Variants in SLC26A4 observed in about 807,000 individuals in gnomAD.
The protein encoded by SLC26A4 is pendrin.
In SLC26A4, 93 loss-of-function variants were observed where a neutral mutation model predicts 90.4. That is an observed-to-expected ratio of 1.03 (90% CI 0.87 to 1.22). The LOEUF (loss-of-function observed/expected upper bound fraction) is 1.22. SLC26A4 is among the 50% of genes most tolerant of loss of function. SLC26A4 has a pLI of 0.00. For synonymous variants in SLC26A4, 393 were observed against 354.6 expected, an observed-to-expected ratio of 1.11 and a Z score of -1.22; for missense variants, 1,127 against 946.2, an observed-to-expected ratio of 1.19 and a Z score of -2.51.
chr7:107,671,307 C>T (rs1237746281), intron 3 of SLC26A4, among the ~76,000 whole-genome samples: 2 of 152,150 alleles, frequency 1.3e-5, no homozygotes, highest in Non-Finnish European at 2.9e-5. Context: ...GGACTACAGG[C>T]GTGAACCAAT....
Position 107,661,824 on chromosome 7 carries a change from T to A in SLC26A4, c.164+19T>A. ...GCTGCAGGTAGCGGCCGCGCGGGCC[T>A]GCGTAGAGAGAAGCGGAGCGGGGCG... On this transcript the variant is annotated intron_variant, in intron 2 of 20. Coordinates refer to ENST00000644269, the MANE Select transcript of SLC26A4 (RefSeq NM_000441.2). The surrounding 1 kb of genome is among the most constrained non-coding windows in gnomAD (Gnocchi z 5.1). The A allele has an allele frequency of 6.5e-7, 1 of 1,530,278 alleles. No individual in the cohort carries two copies. The allele number at this position is 1,530,278 out of a possible 1,614,324, so 94.8% of individuals were successfully genotyped here. A position where few individuals can be genotyped will look rare whatever the true frequency, so the allele number is the denominator to read the frequency against.
rs759264261 is a variant in SLC26A4 at position 107,683,536 on chromosome 7, G to T, written c.1000G>T (p.Gly334Trp). The stretch of plus-strand genomic sequence containing the variant: ...TGGCATTGTTAAATCCATCCCAAGG[G>T]GGTGAGTGTGGTGTTCCTCTTAGTA... ...NAGIVKSIPR[G>W]FLPPELPPVS... The change falls in exon 8 of 21, where the codon GGG (glycine) becomes TGG (tryptophan). Residue 334 changes from glycine (G) to tryptophan (W), a missense_variant and splice_region_variant. Transcript: ENST00000644269. 3 of 1,613,052 alleles carry T rather than the reference G, an allele frequency of 1.9e-6. No homozygotes were observed. The highest frequency in any genetic ancestry group is 2.5e-6 in the Non-Finnish European group (3 of 1,179,202).
chr7:107,708,544 C>T (rs775487360), intron 18 of SLC26A4, among the ~76,000 whole-genome samples: 1 of 152,078 alleles, frequency 6.6e-6, no homozygotes, highest in Non-Finnish European at 1.5e-5. Flanking sequence ...GATTGCCAAG[C>T]TAGAGTTAAG....
In SLC26A4 at chr7:107,700,573, T is replaced by C. The variant is rs190583482; in HGVS notation, c.1707+398T>C. Among the ~76,000 whole-genome samples the C allele has an allele frequency of 6.4e-4, 98 of 152,324 alleles. No individual in the cohort carries two copies. The Middle Eastern group carries it at 0.017, about 26-fold the overall frequency. On this transcript the variant is annotated intron_variant, in intron 15 of 20. Transcript: ENST00000644269. The stretch of plus-strand genomic sequence containing the variant: ...TCAAGTGTTTGAGAACTATGTGAGC[T>C]GAGAGACAGTGGAAACATGTATTGG...
chr7:107,677,543 G>C (rs1791059184), intron 6 of SLC26A4, among the ~76,000 whole-genome samples: 1 of 151,876 alleles, frequency 6.6e-6, no homozygotes, highest in Non-Finnish European at 1.5e-5. Flanking sequence ...TTTTGATTCA[G>C]CATTATATGG....
intron 20 of SLC26A4, among the ~76,000 whole-genome samples, chr7:107,714,624 A>G (rs932371214): frequency 1.3e-5 from 2 of 152,164 alleles, no homozygotes; most frequent in African/African-American, 4.8e-5. Flanking sequence ...ATTGGTTGCC[A>G]CGTAAAATAA....
intron 6 of SLC26A4, among the ~76,000 whole-genome samples, chr7:107,675,576 T>TTC (rs1331209247): frequency 2.0e-5 from 2 of 100,740 alleles, no homozygotes; most frequent in African/African-American, 7.1e-5. Context: ...CTTTCTTTCT[T>TTC]TTTTTTTTTT....
In SLC26A4 at chr7:107,661,666, G is replaced by A. The variant is rs758648839; in HGVS notation, c.25G>A (p.Glu9Lys). 7.6e-6 allele frequency: 12 copies of A among 1,568,944 alleles called. No individual in the cohort carries two copies. The South Asian group carries it at 1.4e-4, about 18-fold the overall frequency. The change falls in exon 2 of 21, where the codon GAG becomes AAG. Residue 9 changes from glutamate (E) to lysine (K), a missense_variant. Coordinates refer to ENST00000644269, the MANE Select transcript of SLC26A4 (RefSeq NM_000441.2). The surrounding 1 kb of genome is among the most constrained non-coding windows in gnomAD (Gnocchi z 5.1). Reference protein sequence around the residue: MAAPGGRSEPPQLPEYSCS... With the variant: MAAPGGRSKPPQLPEYSCS... The stretch of plus-strand genomic sequence containing the variant: ...CATGGCAGCGCCAGGCGGCAGGTCG[G>A]AGCCGCCGCAGCTCCCCGAGTACAG...
intron 5 of SLC26A4, among the ~76,000 whole-genome samples, chr7:107,674,654 C>T (rs540451641): frequency 5.4e-4 from 82 of 152,176 alleles, no homozygotes; most frequent in South Asian, 6.2e-4. Context: ...TTCTGGTGAG[C>T]GGAGACACAG....
At chr7:107,687,927 C>A (rs1414737073) in intron 8 of SLC26A4, among the ~76,000 whole-genome samples, 1 of 152,074 alleles carries the variant, frequency 6.6e-6, no homozygotes, top group African/African-American at 2.4e-5. Flanking sequence ...GGGGTTCATT[C>A]CACAGTCTCA....
intron 6 of SLC26A4, among the ~76,000 whole-genome samples, chr7:107,679,985 T>C (rs181146187): frequency 2.3e-5 from 3 of 132,744 alleles, no homozygotes; most frequent in Admixed American, 7.6e-5. Context: ...ATAATCTTAT[T>C]ATATAATATA....
At chr7:107,676,339 A>G (rs910176788) in intron 6 of SLC26A4, among the ~76,000 whole-genome samples, 3 of 152,188 alleles carry the variant, frequency 2.0e-5, no homozygotes, top group African/African-American at 7.2e-5. Context: ...TTATTGGTGA[A>G]ATGAAATGAT....
At chr7:107,714,789 T>C (rs1424736065) in intron 20 of SLC26A4, among the ~76,000 whole-genome samples, 1 of 152,126 alleles carries the variant, frequency 6.6e-6, no homozygotes, top group Non-Finnish European at 1.5e-5. Context: ...GTCTTCATAT[T>C]AGTATCTTCA....
At chr7:107,697,957 G>C (rs770844637) in intron 13 of SLC26A4, 85 bp from the exon 14 acceptor site, 32 of 829,320 alleles carry the variant, frequency 3.9e-5, no homozygotes, top group Admixed American at 7.0e-5. Flanking sequence ...AGAATGATGG[G>C]CTCTTTAGTA....
At chr7:107,689,753 C>A (rs1434696103) in intron 9 of SLC26A4, among the ~76,000 whole-genome samples, 1 of 152,152 alleles carries the variant, frequency 6.6e-6, no homozygotes, top group Non-Finnish European at 1.5e-5. Flanking sequence ...GGTTAGTAAT[C>A]AAGCAGAATA....
At chr7:107,666,614 G>A (rs944085459) in intron 3 of SLC26A4, among the ~76,000 whole-genome samples, 3 of 152,160 alleles carry the variant, frequency 2.0e-5, no homozygotes, top group African/African-American at 7.2e-5. Flanking sequence ...GAAGGAGACA[G>A]CCATGTGATA....
At position 107,716,164 on chromosome 7, in the gene SLC26A4, T is replaced by C. The variant is rs1792340492; in HGVS notation, c.*718T>C. 1 of 152,230 alleles carries C rather than the reference T, an allele frequency of 6.6e-6. No homozygotes were observed. Among genetic ancestry groups the C allele is most frequent in the Non-Finnish European group, 1.5e-5 (1 of 68,088 alleles). 9.4% of individuals were successfully genotyped at this position (152,230 alleles called of 1,614,324 possible). On this transcript the variant is annotated 3_prime_UTR_variant, in exon 21 of 21. Coordinates refer to ENST00000644269, the MANE Select transcript of SLC26A4 (RefSeq NM_000441.2). ...TTTTTTGATATGATAATAATCATGA[T>C]CACAACTGAGATCAAAAAAATATAT...
chr7:107,663,401 G>A lies in SLC26A4; in HGVS notation c.270G>A (p.Ser90=), dbSNP rs908029050. The part of the protein sequence containing the change: ...VKEWLLSDVI[S]GVSTGLVATL... ...AATGGCTGCTTAGTGACGTCATTTC[G>A]GGAGTTAGTACTGGGCTAGTGGCCA... Residue 90 remains serine, a synonymous_variant, in exon 3 of 21, where the codon TCG becomes TCA. Transcript: ENST00000644269. 5 of 1,614,062 alleles carry A rather than the reference G, an allele frequency of 3.1e-6. No homozygotes were observed. The highest frequency in any genetic ancestry group is 1.3e-5 in the African/African-American group (1 of 75,010).
rs547066809 is a variant in SLC26A4, at chr7:107,666,679, C to T, written c.304+3244C>T. On this transcript the variant is annotated intron_variant, in intron 3 of 20. Transcript: ENST00000644269. The stretch of plus-strand genomic sequence containing the variant: ...GTGCAAAGGCCCTGAGGCCAGAAAA[C>T]TTAGCATTTTCCAGGGAGGAAGAGG... 1.5e-3 allele frequency among the ~76,000 whole-genome samples: 225 copies of T among 152,240 alleles called. 1 individual carries two copies. The highest frequency in any genetic ancestry group is 9.5e-3 in the South Asian group (46 of 4,830).
Sources: gnomAD v4.1 joint callset for allele counts (sites outside exome capture counted in the v4.1 genomes callset) on GRCh38, gnomAD v4.1.1 for gene constraint, Gnocchi (gnomAD v3.1) non-coding constraint, MANE v1.5 for transcripts, NCBI Gene and HGNC (gene_info 2026-07-23, HGNC 2026-07-21) for gene names.